The following WDR59 variants were observed in gnomAD, a reference collection of about 807,000 sequenced individuals.
The protein encoded by WDR59 is WD repeat domain 59.
A neutral mutation model predicts 131.2 loss-of-function variants in WDR59; 100 were observed. The ratio of observed to expected loss-of-function variants is 0.76; its 90% CI spans 0.65 to 0.90. The LOEUF is 0.90. WDR59 is among the 40% of genes least tolerant of loss of function. The probability of loss-of-function intolerance (pLI) is 0.00; values close to 1 mark genes in which losing one functional copy is unlikely to be tolerated. For synonymous variants in WDR59, 601 were observed against 466.2 expected (o/e 1.29, Z -3.72); for missense variants, 1,203 against 1,262.2 (o/e 0.95, Z 0.71).
chr16:74,918,059 A>G (rs779217829), intron 10 of WDR59, 51 bp from the exon 11 acceptor site: 3 of 1,572,554 alleles, frequency 1.9e-6, no homozygotes, highest in Admixed American at 1.7e-5. Context: ...TTCAACGTCT[A>G]TTTGCTAGAG....
intron 25 of WDR59, 42 bp downstream of exon 25, chr16:74,885,611 T>C (rs1964715705): frequency 3.7e-6 from 6 of 1,603,668 alleles, no homozygotes; most frequent in Non-Finnish European, 3.4e-6. Flanking sequence ...AATTACAGGA[T>C]CTTTCAGACA....
chr16:74,890,844 T>A (rs1397250612), intron 20 of WDR59, among the ~76,000 whole-genome samples: 1 of 151,938 alleles, frequency 6.6e-6, no homozygotes, highest in Non-Finnish European at 1.5e-5. Flanking sequence ...CGGCGGGCCC[T>A]GTGGCTCACG....
intron 1 of WDR59, among the ~76,000 whole-genome samples, chr16:74,975,053 T>A (rs1367186929): frequency 6.6e-6 from 1 of 152,208 alleles, no homozygotes; most frequent in Non-Finnish European, 1.5e-5. Flanking sequence ...GGCACTACTA[T>A]CCTTGTTTTA....
chr16:74,945,438 C>T (rs900117478), intron 6 of WDR59, among the ~76,000 whole-genome samples: 12 of 151,828 alleles, frequency 7.9e-5, no homozygotes, highest in African/African-American at 2.7e-4. Flanking sequence ...GATCATGCCA[C>T]TGCACTCCAG....
intron 17 of WDR59, among the ~76,000 whole-genome samples, chr16:74,907,552 G>C (rs150624951): frequency 1.1e-4 from 16 of 152,316 alleles, no homozygotes; most frequent in African/African-American, 3.1e-4. Flanking sequence ...GGAATTGTGA[G>C]TCAACTAACC....
chr16:74,972,206 G>C (rs1174688818), intron 1 of WDR59, among the ~76,000 whole-genome samples: 2 of 152,182 alleles, frequency 1.3e-5, no homozygotes, highest in Non-Finnish European at 2.9e-5. Flanking sequence ...TGCCCTTTAT[G>C]AAATGAGAAT....
intron 1 of WDR59, among the ~76,000 whole-genome samples, chr16:74,982,545 G>C (rs1405872799): frequency 6.6e-6 from 1 of 152,226 alleles, no homozygotes. Context: ...AGACTACCTG[G>C]GTTTCTGTGA....
At chr16:74,896,626 C>A (rs1399384669) in intron 18 of WDR59, among the ~76,000 whole-genome samples, 2 of 141,318 alleles carry the variant, frequency 1.4e-5, no homozygotes, top group Admixed American at 1.4e-4. Context: ...CAGAGCAAGA[C>A]CCTGCCTAAA....
At chr16:74,887,616 A>G in intron 23 of WDR59, 67 bp downstream of exon 23, 1 of 1,417,750 alleles carries the variant, frequency 7.1e-7, no homozygotes, top group South Asian at 1.2e-5. Context: ...CATCAACTAA[A>G]GGTTACATAT....
chr16:74,924,141 T>G (rs1267874547), intron 8 of WDR59, 138 bp from the exon 9 acceptor site: 2 of 767,278 alleles, frequency 2.6e-6, no homozygotes, highest in Admixed American at 4.8e-5. Flanking sequence ...TCAGCTCCTA[T>G]AACCACGCAC....
chr16:74,977,632 G>A (rs1442110292), intron 1 of WDR59, among the ~76,000 whole-genome samples: 1 of 152,144 alleles, frequency 6.6e-6, no homozygotes, highest in Non-Finnish European at 1.5e-5. Context: ...AGCTTGCAGT[G>A]AGCTGAGATC....
At chr16:74,983,773 C>A (rs989615653) in intron 1 of WDR59, among the ~76,000 whole-genome samples, 5 of 151,982 alleles carry the variant, frequency 3.3e-5, no homozygotes, top group Admixed American at 3.3e-4. Flanking sequence ...CCCAGGAGTT[C>A]CATACCAGCC....
chr16:74,879,751 A>C (rs1157124275), intron 25 of WDR59, among the ~76,000 whole-genome samples: 1 of 152,238 alleles, frequency 6.6e-6, no homozygotes, highest in Non-Finnish European at 1.5e-5. Context: ...TAAGATATCA[A>C]ATCACCAGGA....
intron 6 of WDR59, among the ~76,000 whole-genome samples, chr16:74,948,258 C>A (rs1000948932): frequency 6.6e-6 from 1 of 152,226 alleles, no homozygotes; most frequent in South Asian, 2.1e-4. Flanking sequence ...ACAAACAAAT[C>A]ATCTTGGCTC....
In WDR59 at chr16:74,900,344, G is replaced by C. The variant is rs568755639; in HGVS notation, c.1866+3603C>G. On this transcript the variant is annotated intron_variant, in intron 18 of 25. Transcript: ENST00000262144. Reference sequence around the variant, plus strand: ...CCTGGAGAAACGGGGGGAAGGAAGGGGCTAATGCTGAGGAGAGACCTTCTT... The same window carrying C: ...CCTGGAGAAACGGGGGGAAGGAAGGCGCTAATGCTGAGGAGAGACCTTCTT... 1.8e-4 allele frequency among the ~76,000 whole-genome samples: 28 copies of C among 152,128 alleles called. No individual in the cohort carries two copies. In the South Asian group the frequency reaches 2.5e-3, roughly 14 times the overall value.
chr16:74,950,593 G>T (rs1189807005), intron 4 of WDR59, among the ~76,000 whole-genome samples: 1 of 152,166 alleles, frequency 6.6e-6, no homozygotes, highest in Non-Finnish European at 1.5e-5. Context: ...CAACCCAGGT[G>T]TCTCACCTTT....
rs375104474 is a variant in WDR59 at position 74,916,117 on chromosome 16, G to C, written c.1099+10C>G. ...GGCACCTTACCTGAGACATCAGTTT[G>C]ACAAATTACCTTCTTCCTCCCCATG... is the stretch of plus-strand genomic sequence containing the variant. On this transcript the variant is annotated intron_variant, in intron 12 of 25. Transcript: ENST00000262144. 3.9e-5 allele frequency: 63 copies of C among 1,614,044 alleles called. No homozygotes were observed. The highest frequency in any genetic ancestry group is 5.1e-5 in the Non-Finnish European group (60 of 1,180,036).
intron 25 of WDR59, among the ~76,000 whole-genome samples, chr16:74,884,688 A>C (rs1301795588): frequency 3.3e-5 from 5 of 152,138 alleles, no homozygotes; most frequent in Non-Finnish European, 7.4e-5. Flanking sequence ...CCCCTGCCTG[A>C]TATAACCCTA....
intron 2 of WDR59, among the ~76,000 whole-genome samples, chr16:74,963,956 C>T (rs976135357): frequency 6.6e-6 from 1 of 151,114 alleles, no homozygotes; most frequent in African/African-American, 2.4e-5. Flanking sequence ...TGAAATGAGG[C>T]CAAGGTGAGA....
Sources: allele counts gnomAD v4.1 joint callset (sites outside exome capture counted in the v4.1 genomes callset), GRCh38; gene constraint gnomAD v4.1.1; transcripts MANE v1.5; gene names NCBI Gene and HGNC (gene_info 2026-07-23, HGNC 2026-07-21).